PLPP1: variants seen among roughly 807,000 people sequenced by gnomAD.
PLPP1 encodes phospholipid phosphatase 1, also known as lipid phosphate phosphohydrolase 1a.
A neutral mutation model predicts 31.2 loss-of-function variants in PLPP1; 24 were observed. That is an observed-to-expected ratio of 0.77 (90% CI 0.56 to 1.08). The LOEUF (loss-of-function observed/expected upper bound fraction) is 1.08, where lower values mean the gene tolerates loss of function less well. Ranked by LOEUF, PLPP1 falls within the 50% of genes least tolerant of loss-of-function variation. PLPP1 has a pLI of 0.00. For synonymous variants in PLPP1, 146 were observed against 126.3 expected, an observed-to-expected ratio of 1.16 and a Z score of -1.05; for missense variants, 319 against 342.7, an observed-to-expected ratio of 0.93 and a Z score of 0.55.
In PLPP1 at chr5:55,461,275, C is replaced by T. The variant is rs553756511; in HGVS notation, c.491+6594G>A. ...CAAATGACTTCACTGATGAATTCAA[C>T]ATTTAATACCAAACTTTTGACACTA... On this transcript the variant is annotated intron_variant, in intron 3 of 5. Transcript: ENST00000307259. 3.3e-5 allele frequency among the ~76,000 whole-genome samples: 5 copies of T among 152,222 alleles called. No individual in the cohort carries two copies. The South Asian group carries it at 1.0e-3, about 32-fold the overall frequency.
rs942955291 is a variant in PLPP1 at position 55,493,132 on chromosome 5, T to G, written c.59-17682A>C. 3.9e-5 allele frequency among the ~76,000 whole-genome samples: 6 copies of G among 151,972 alleles called. 1 individual carries two copies. Among genetic ancestry groups the G allele is most frequent in the Admixed American group, 3.9e-4 (6 of 15,254 alleles). On this transcript the variant is annotated intron_variant, in intron 1 of 5. Transcript: ENST00000307259. ...GTTCAAGACTAGCCTGGGCAACATA[T>G]TGAGACCTCGTCTCTACAAAAGAAA...
intron 1 of PLPP1, among the ~76,000 whole-genome samples, chr5:55,525,079 T>C (rs1460036729): frequency 6.6e-6 from 1 of 152,230 alleles, no homozygotes; most frequent in Non-Finnish European, 1.5e-5. Flanking sequence ...ACATGACTAA[T>C]AAAACACTAA....
intron 3 of PLPP1, among the ~76,000 whole-genome samples, chr5:55,456,549 T>C (rs1392155067): frequency 6.6e-6 from 1 of 152,188 alleles, no homozygotes; most frequent in Non-Finnish European, 1.5e-5. Flanking sequence ...TACACTATAA[T>C]CCTAAAAAAC....
In PLPP1 at chr5:55,463,585, G is replaced by A. The variant is rs1342085208; in HGVS notation, c.491+4284C>T. 3.3e-5 allele frequency among the ~76,000 whole-genome samples: 5 copies of A among 151,784 alleles called. No homozygotes were observed. In the South Asian group the frequency reaches 6.2e-4, roughly 19 times the overall value. On this transcript the variant is annotated intron_variant, in intron 3 of 5. Transcript: ENST00000307259. The stretch of plus-strand genomic sequence containing the variant: ...CTGAGGCATGAGGTTGCAGTGAGCC[G>A]AGATTGTGCCACAGCACTCTAGCTT...
Position 55,432,098 on chromosome 5 carries a change from C to CTT in PLPP1, c.550-6061_550-6060dup, listed in dbSNP as rs869025950. Among the ~76,000 whole-genome samples, 46 of 7,122 alleles carry CTT rather than the reference C, an allele frequency of 6.5e-3. 1 individual carries two copies. Among genetic ancestry groups the CTT allele is most frequent in the Admixed American group, 0.013 (5 of 382 alleles). 4.7% of individuals were successfully genotyped at this position (7,122 alleles called of 152,430 possible). On this transcript the variant is annotated intron_variant, in intron 4 of 5. Transcript: ENST00000307259. Reference sequence around the variant, plus strand: ...AGCATGAATAATTTTTCTTTTTCTTCTTTTTTTTTTTTTTTTTTTTTTTTT... The same window carrying CTT: ...AGCATGAATAATTTTTCTTTTTCTTCTTTTTTTTTTTTTTTTTTTTTTTTTTT...
intron 1 of PLPP1, among the ~76,000 whole-genome samples, chr5:55,487,912 T>G (rs932541984): frequency 6.6e-6 from 1 of 152,064 alleles, no homozygotes; most frequent in Non-Finnish European, 1.5e-5. Flanking sequence ...GTGGATCACC[T>G]GAGGTCAGGG....
intron 4 of PLPP1, among the ~76,000 whole-genome samples, chr5:55,432,816 C>T (rs781508224): frequency 1.3e-5 from 2 of 150,132 alleles, no homozygotes; most frequent in East Asian, 3.9e-4. Context: ...AAAAAAAAAA[C>T]CTGTCCACAG....
At chr5:55,527,233 A>C (rs1036731112) in intron 1 of PLPP1, among the ~76,000 whole-genome samples, 1 of 152,158 alleles carries the variant, frequency 6.6e-6, no homozygotes, top group Non-Finnish European at 1.5e-5. Flanking sequence ...GCTCCTTAGG[A>C]GTATCCTTAA....
chr5:55,495,670 T>C (rs1752990478), intron 1 of PLPP1, among the ~76,000 whole-genome samples: 1 of 152,084 alleles, frequency 6.6e-6, no homozygotes, highest in African/African-American at 2.4e-5. Context: ...CGGGTTGTCA[T>C]TGTCTAAGCA....
intron 1 of PLPP1, among the ~76,000 whole-genome samples, chr5:55,504,296 C>T (rs866571278): frequency 2.9e-4 from 42 of 146,542 alleles, no homozygotes; most frequent in Middle Eastern, 7.0e-3. Context: ...ACCCAGGAGG[C>T]GGAGGTTGCA....
intron 2 of PLPP1, among the ~76,000 whole-genome samples, chr5:55,470,273 T>G (rs1752389322): frequency 6.6e-6 from 1 of 152,208 alleles, no homozygotes; most frequent in Non-Finnish European, 1.5e-5. Context: ...AATCTTTGAT[T>G]CTTGAAAACA....
At chr5:55,457,896 A>AC (rs1752057019) in intron 3 of PLPP1, among the ~76,000 whole-genome samples, 2 of 151,792 alleles carry the variant, frequency 1.3e-5, no homozygotes, top group South Asian at 4.2e-4. Context: ...CTCAAAAAAA[A>AC]AAAAAAATCA....
At chr5:55,502,346 G>T (rs1044678139) in intron 1 of PLPP1, among the ~76,000 whole-genome samples, 26 of 152,176 alleles carry the variant, frequency 1.7e-4, no homozygotes, top group Non-Finnish European at 5.9e-5. Context: ...AATTAGCCAG[G>T]CATGGTGGCG....
rs1751151885 is a variant in PLPP1, at chr5:55,425,347, A to AT, written c.727-14dup. 6.3e-7 allele frequency: 1 copy of AT among 1,579,564 alleles called. No individual in the cohort carries two copies. Among genetic ancestry groups the AT allele is most frequent in the Non-Finnish European group, 8.6e-7 (1 of 1,156,070 alleles). ...ATACATATACAGCCTACAGTGCAAA[A>AT]TATTTAATGGTATAATTTAGATCAA... On this transcript the variant is annotated splice_polypyrimidine_tract_variant and intron_variant, in intron 5 of 5. Coordinates refer to ENST00000307259, the MANE Select transcript of PLPP1 (RefSeq NM_003711.4).
intron 3 of PLPP1, among the ~76,000 whole-genome samples, chr5:55,444,326 C>T (rs911026983): frequency 6.6e-6 from 1 of 152,176 alleles, no homozygotes; most frequent in Non-Finnish European, 1.5e-5. Context: ...TGTGATCCGT[C>T]GCCCTCGGCC....
At chr5:55,450,660 T>C (rs1394422682) in intron 3 of PLPP1, among the ~76,000 whole-genome samples, 3 of 152,180 alleles carry the variant, frequency 2.0e-5, no homozygotes, top group Admixed American at 2.0e-4. Context: ...ATAAGTTTCC[T>C]TGGTTATTAA....
chr5:55,449,571 C>T (rs1367681633), intron 3 of PLPP1, among the ~76,000 whole-genome samples: 7 of 152,140 alleles, frequency 4.6e-5, no homozygotes, highest in South Asian at 4.1e-4. Context: ...AGCAGTGAAT[C>T]GGGCCCTGTT....
chr5:55,474,780 G>A (rs1217076834), intron 2 of PLPP1, among the ~76,000 whole-genome samples: 1 of 152,144 alleles, frequency 6.6e-6, no homozygotes, highest in Non-Finnish European at 1.5e-5. Flanking sequence ...GATATCCTAT[G>A]TATAAAGTAT....
intron 3 of PLPP1, among the ~76,000 whole-genome samples, chr5:55,454,295 AAACG>A (rs1462560056): frequency 2.0e-5 from 3 of 152,170 alleles, no homozygotes; most frequent in African/African-American, 7.2e-5. Context: ...TTTATTATAT[AAACG>A]AACAGTACTG....
Sources: allele counts gnomAD v4.1 joint callset (sites outside exome capture counted in the v4.1 genomes callset), GRCh38; gene constraint gnomAD v4.1.1; transcripts MANE v1.5; gene names NCBI Gene and HGNC (gene_info 2026-07-23, HGNC 2026-07-21).